The following OSTN variants were observed in gnomAD, a reference collection of about 807,000 sequenced individuals.
OSTN encodes osteocrin.
In OSTN, 9 loss-of-function variants were observed where a neutral mutation model predicts 12.0. That is an observed-to-expected ratio of 0.75 (90% CI 0.45 to 1.30). The LOEUF is 1.30. OSTN is among the 50% of genes most tolerant of loss of function. The pLI is 0.00. For missense variants in OSTN, 148 were observed against 152.3 expected (o/e 0.97, Z 0.15); for synonymous variants, 59 against 56.9 (o/e 1.04, Z -0.16).
At chr3:191,247,165 T>C (rs1715452727) in intron 3 of OSTN, among the ~76,000 whole-genome samples, 1 of 152,222 alleles carries the variant, frequency 6.6e-6, no homozygotes, top group Non-Finnish European at 1.5e-5. Context: ...GGAGACAGTT[T>C]TTCTTTTCTT....
intron 1 of OSTN, among the ~76,000 whole-genome samples, chr3:191,203,859 G>A (rs1444261747): frequency 6.6e-6 from 1 of 152,064 alleles, no homozygotes; most frequent in Non-Finnish European, 1.5e-5. Flanking sequence ...ACTGAGAAAT[G>A]GGAAGAACAC....
chr3:191,229,162 T>C (rs1358243983), intron 3 of OSTN, among the ~76,000 whole-genome samples: 1 of 152,162 alleles, frequency 6.6e-6, no homozygotes, highest in Non-Finnish European at 1.5e-5. Flanking sequence ...CTTCCATAAA[T>C]AAATTACAGC....
At chr3:191,222,840 AGAGT>A (rs1463815541) in intron 3 of OSTN, among the ~76,000 whole-genome samples, 4 of 151,956 alleles carry the variant, frequency 2.6e-5, no homozygotes, top group Admixed American at 2.0e-4. Flanking sequence ...TGTTCTCATG[AGAGT>A]GAGTGAGTTC....
chr3:191,206,201 A>T (rs1203306282), intron 1 of OSTN, among the ~76,000 whole-genome samples: 1 of 152,136 alleles, frequency 6.6e-6, no homozygotes, highest in Non-Finnish European at 1.5e-5. Flanking sequence ...AAAAAAAAAA[A>T]AATCCTAAGT....
At chr3:191,249,937 C>T (rs972919511) in intron 3 of OSTN, 100 bp from the exon 4 acceptor site, 3 of 838,368 alleles carry the variant, frequency 3.6e-6, no homozygotes, top group Non-Finnish European at 6.0e-6. Flanking sequence ...TTTATTCCAA[C>T]TCCCAAAGAA....
chr3:191,237,559 A>G (rs1715225487), intron 3 of OSTN, among the ~76,000 whole-genome samples: 1 of 152,206 alleles, frequency 6.6e-6, no homozygotes, highest in South Asian at 2.1e-4. Flanking sequence ...TTAGGGTATT[A>G]TATGCTGGCC....
intron 2 of OSTN, chr3:191,217,239 C>G (rs1476074473): frequency 1.3e-5 from 2 of 152,250 alleles, no homozygotes; most frequent in Non-Finnish European, 2.9e-5. Flanking sequence ...CCAAGAACCA[C>G]AGGAGAGAAA....
Position 191,232,331 on chromosome 3 carries a change from T to TAAAAAAAA in OSTN, c.317+13393_317+13400dup, listed in dbSNP as rs61313474. On this transcript the variant is annotated intron_variant, in intron 3 of 4. Transcript: ENST00000682035. Reference sequence around the variant, plus strand: ...CTGGGTGACAGAGGGAGACTCTGTCTAAAAAAAAAAAAAAAAAAAAAAAAA... The same window carrying TAAAAAAAA: ...CTGGGTGACAGAGGGAGACTCTGTCTAAAAAAAAAAAAAAAAAAAAAAAAAAAAAAAAA... Among the ~76,000 whole-genome samples the TAAAAAAAA allele has an allele frequency of 1.8e-4, 12 of 67,498 alleles. 1 individual carries two copies. The highest frequency in any genetic ancestry group is 9.7e-4 in the African/African-American group (11 of 11,366). The allele number at this position is 67,498 out of a possible 152,430, so 44.3% of individuals were successfully genotyped here.
chr3:191,225,830 G>A (rs1714895469), intron 3 of OSTN, among the ~76,000 whole-genome samples: 1 of 152,068 alleles, frequency 6.6e-6, no homozygotes, highest in African/African-American at 2.4e-5. Flanking sequence ...ACAAAAGGTG[G>A]AAGGGAAGAG....
At chr3:191,253,082 C>T (rs1327773289) in intron 4 of OSTN, among the ~76,000 whole-genome samples, 1 of 152,194 alleles carries the variant, frequency 6.6e-6, no homozygotes. Context: ...CTCTTCGTGA[C>T]CCAAAAGGCC....
chr3:191,217,524 GA>G (rs879409248), intron 2 of OSTN, among the ~76,000 whole-genome samples: 19 of 151,762 alleles, frequency 1.3e-4, no homozygotes, highest in Non-Finnish European at 2.8e-4. Context: ...CACGATCTTA[GA>G]AAAAAAAGCA....
chr3:191,202,392 C>T (rs1165472826), intron 1 of OSTN, among the ~76,000 whole-genome samples: 2 of 152,166 alleles, frequency 1.3e-5, no homozygotes, highest in African/African-American at 2.4e-5. Context: ...CTGAACCAGG[C>T]TGTGAGCAAC....
chr3:191,253,500 G>A (rs1715607271), intron 4 of OSTN, among the ~76,000 whole-genome samples: 2 of 152,136 alleles, frequency 1.3e-5, no homozygotes, highest in Admixed American at 1.3e-4. Flanking sequence ...ACTTTCCAGG[G>A]GGTATAGATG....
intron 1 of OSTN, among the ~76,000 whole-genome samples, chr3:191,199,868 A>G (rs1157497612): frequency 6.6e-6 from 1 of 152,092 alleles, no homozygotes; most frequent in East Asian, 1.9e-4. Flanking sequence ...CCTGTTCTTC[A>G]GTATTTGTAG....
At chr3:191,222,581 G>C (rs148856579) in intron 3 of OSTN, among the ~76,000 whole-genome samples, 1 of 152,260 alleles carries the variant, frequency 6.6e-6, no homozygotes, top group African/African-American at 2.4e-5. Context: ...TGTCTCAAAT[G>C]AACTTTGGAC....
chr3:191,226,375 T>A (rs934742113), intron 3 of OSTN, among the ~76,000 whole-genome samples: 1 of 152,156 alleles, frequency 6.6e-6, no homozygotes, highest in African/African-American at 2.4e-5. Flanking sequence ...GAATAAGAAC[T>A]GAGAAACACT....
At chr3:191,203,502 T>C (rs956121976) in intron 1 of OSTN, among the ~76,000 whole-genome samples, 1 of 152,154 alleles carries the variant, frequency 6.6e-6, no homozygotes, top group African/African-American at 2.4e-5. Flanking sequence ...AAAATAAAAT[T>C]TTAAGATTTT....
At chr3:191,218,714 A>C (rs375573178) in intron 2 of OSTN, 33 bp from the exon 3 acceptor site, 1 of 1,575,642 alleles carries the variant, frequency 6.3e-7, no homozygotes, top group African/African-American at 1.3e-5. Context: ...CTCTTTGTCT[A>C]AATTAACGGA....
intron 3 of OSTN, among the ~76,000 whole-genome samples, chr3:191,244,199 A>C (rs181321089): frequency 5.9e-5 from 9 of 152,248 alleles, no homozygotes; most frequent in Non-Finnish European, 1.2e-4. Context: ...TTTGGAATGT[A>C]AAATACCTTT....
Sources: allele counts gnomAD v4.1 joint callset (sites outside exome capture counted in the v4.1 genomes callset), GRCh38; gene constraint gnomAD v4.1.1; transcripts MANE v1.5; gene names NCBI Gene and HGNC (gene_info 2026-07-23, HGNC 2026-07-21).